WDR45: variants seen among roughly 807,000 people sequenced by gnomAD.
WDR45 encodes the protein WD repeat domain phosphoinositide-interacting protein 4.
In WDR45, 2 loss-of-function variants were observed where a neutral mutation model predicts 27.3. The observed-to-expected ratio is 0.07, with a 90% CI of 0.03 to 0.23. WDR45 has a LOEUF of 0.23. Among genes scored for constraint, WDR45 ranks in the 10% least tolerant of loss-of-function variants. The probability of loss-of-function intolerance (pLI) is 1.00; values close to 1 mark genes in which losing one functional copy is unlikely to be tolerated. For missense variants in WDR45, 175 were observed against 311.9 expected (o/e 0.56, Z 3.31); for synonymous variants, 99 against 119.2 (o/e 0.83, Z 1.11).
chrX:49,083,861 C>G (rs2147822136), upstream of WDR45, among the ~76,000 whole-genome samples: 1 of 99,767 alleles, frequency 1.0e-5, no homozygotes. Flanking sequence ...GCGGGAGAAT[C>G]GCTTGAACCC....
chrX:49,082,344 T>C (rs186730562), upstream of WDR45, among the ~76,000 whole-genome samples: 240 of 111,781 alleles, frequency 2.1e-3, 1 homozygote, highest in Admixed American at 7.6e-3. Flanking sequence ...CATGATATTA[T>C]GTAGCATTGT....
intron 1 of WDR45, among the ~76,000 whole-genome samples, chrX:49,079,377 C>A (rs1050417867): frequency 9.2e-6 from 1 of 108,671 alleles, no homozygotes; most frequent in Non-Finnish European, 1.9e-5. Flanking sequence ...AAGATGCCTG[C>A]GCAGTCCCCT....
rs1204267334 is a variant in WDR45, at chrX:49,095,759, CTTTTTTTTTT to C, written c.-18+4436_-18+4445del. On this transcript the variant is annotated intron_variant, in intron 2 of 11. Transcript: ENST00000356463. ...ACAGGTGTGAGCCACCGTGCCCGGC[CTTTTTTTTTT>C]TTTTTTTTTTTTTTGAGGCGGCATC... Among the ~76,000 whole-genome samples the C allele has an allele frequency of 4.6e-4, 12 of 26,152 alleles. No homozygotes were observed. The East Asian group carries it at 0.018, about 38-fold the overall frequency. The allele number at this position is 26,152 out of a possible 115,157, so 22.7% of individuals were successfully genotyped here. A position where few individuals can be genotyped will look rare whatever the true frequency, so the allele number is the denominator to read the frequency against.
chrX:49,091,954 C>A (rs1393420119), intron 2 of WDR45, among the ~76,000 whole-genome samples: 3 of 103,138 alleles, frequency 2.9e-5, no homozygotes, highest in Non-Finnish European at 5.9e-5. Context: ...CACGGTGAAA[C>A]CCCGTCTCTA....
chrX:49,081,618 G>A (rs1277001472), upstream of WDR45, among the ~76,000 whole-genome samples: 4 of 108,312 alleles, frequency 3.7e-5, no homozygotes, highest in African/African-American at 1.3e-4. Context: ...CTTAAACCTA[G>A]GAGGCGGAGG....
In WDR45 at chrX:49,076,160, C is replaced by T. The variant is rs895330860; in HGVS notation, c.437-215G>A. The T allele has an allele frequency of 1.9e-5, 9 of 465,812 alleles. No homozygotes were observed. In the South Asian group the frequency reaches 2.0e-4, roughly 10 times the overall value. The allele number at this position is 465,812 out of a possible 1,213,427, so 38.4% of individuals were successfully genotyped here. ...AATCTAGTAAGCTGCTATCACAGCC[C>T]CAGAAGCTCAGGGATCCCTGACACA... On this transcript the variant is annotated intron_variant, in intron 6 of 10. Coordinates refer to ENST00000376372, the MANE Select transcript of WDR45 (RefSeq NM_001029896.2).
Position 49,077,668 on chromosome X carries a change from A to G in WDR45, c.210T>C (p.Ser70=), listed in dbSNP as rs2065045503. 1.7e-6 allele frequency: 2 copies of G among 1,201,042 alleles called. No individual in the cohort carries two copies. Among genetic ancestry groups the G allele is most frequent in the East Asian group, 6.0e-5 (2 of 33,210 alleles). ...CTGAGATCTCTGAGAACTTGGGACT[A>G]CTACCACCGCCCACCAAGGCCAGAA... The part of the protein sequence containing the change: ...SNLLALVGGG[S]SPKFSEISVL... Residue 70 remains serine, a synonymous_variant, in exon 4 of 11, where the codon AGT becomes AGC. Coordinates refer to ENST00000376372, the MANE Select transcript of WDR45 (RefSeq NM_001029896.2).
At chrX:49,099,086 G>A (rs1023720436) in intron 2 of WDR45, among the ~76,000 whole-genome samples, 12 of 111,978 alleles carry the variant, frequency 1.1e-4, no homozygotes, top group African/African-American at 3.9e-4. Flanking sequence ...CACTTTGGGA[G>A]GCCCAGGTGG....
intron 4 of WDR45, chrX:49,077,246 T>G: frequency 4.9e-6 from 1 of 205,869 alleles, no homozygotes; most frequent in Non-Finnish European, 8.9e-6. Flanking sequence ...GCTCCAAGAT[T>G]TTAAAACCTA....
chrX:49,089,619 A>T (rs2065097506), intron 2 of WDR45, among the ~76,000 whole-genome samples: 1 of 109,637 alleles, frequency 9.1e-6, no homozygotes, highest in East Asian at 2.9e-4. Flanking sequence ...ATATAGTGAG[A>T]CCCCATCTCT....
intron 1 of WDR45, 24 bp from the exon 2 acceptor site, chrX:49,078,136 G>A: frequency 8.5e-7 from 1 of 1,181,112 alleles, no homozygotes; most frequent in East Asian, 3.0e-5. Flanking sequence ...GGATAAAGAT[G>A]AGAAGAGTCC....
intron 2 of WDR45, among the ~76,000 whole-genome samples, chrX:49,091,477 C>T (rs1433232048): frequency 9.2e-5 from 9 of 97,771 alleles, no homozygotes; most frequent in South Asian, 5.0e-4. Context: ...TGGCCGGGCG[C>T]GGTGGCTCAC....
At chrX:49,084,387 G>A (rs1038222469), upstream of WDR45, among the ~76,000 whole-genome samples, 20 of 107,210 alleles carry the variant, frequency 1.9e-4, no homozygotes, top group African/African-American at 6.1e-4. Flanking sequence ...TCTGTTGGTC[G>A]CACTGTCAAA....
chrX:49,092,586 C>G (rs893684443), intron 2 of WDR45, among the ~76,000 whole-genome samples: 11 of 111,723 alleles, frequency 9.8e-5, no homozygotes, highest in African/African-American at 2.9e-4. Flanking sequence ...CACACCTTCC[C>G]AAACCTTAAT....
At chrX:49,085,637 G>A (rs1458745455) in intron 2 of WDR45, among the ~76,000 whole-genome samples, 1 of 112,974 alleles carries the variant, frequency 8.9e-6, no homozygotes, top group Admixed American at 9.4e-5. Context: ...CACTTTGGGA[G>A]GCGGAAGGTG....
rs1358079661 is a variant in WDR45, at chrX:49,099,788, AAAAAAC to A, written c.-18+411_-18+416del. Among the ~76,000 whole-genome samples the A allele has an allele frequency of 1.6e-4, 15 of 95,364 alleles. 1 individual carries two copies. Among genetic ancestry groups the A allele is most frequent in the African/African-American group, 5.3e-4 (14 of 26,353 alleles). The allele number at this position is 95,364 out of a possible 115,157, so 82.8% of individuals were successfully genotyped here. A position where few individuals can be genotyped will look rare whatever the true frequency, so the allele number is the denominator to read the frequency against. ...AGAGCGAGACTATGTCTCAAAAAAAAAAAAACAAAAAAAAACAAAAAAAAACACACA... is the reference window on the plus strand; with the variant it reads ...AGAGCGAGACTATGTCTCAAAAAAAAAAAAAAAAACAAAAAAAAACACACA... On this transcript the variant is annotated intron_variant, in intron 2 of 11. Transcript: ENST00000356463.
At chrX:49,088,090 C>T (rs1569523838) in intron 2 of WDR45, among the ~76,000 whole-genome samples, 1 of 111,573 alleles carries the variant, frequency 9.0e-6, no homozygotes, top group Non-Finnish European at 1.9e-5. Flanking sequence ...ATGCATAGGG[C>T]TGTGAGCATG....
chrX:49,075,173 G>A lies in WDR45; in HGVS notation c.936C>T (p.Phe312=), dbSNP rs199814778. ...TGACGTTCTTGGAAGTATTGCGACC[G>A]AAGGCGCAGATGCAAGCTGACTCAG... ...VPAESACICA[F]GRNTSKNVNS... Residue 312 remains phenylalanine, a synonymous_variant, in exon 10 of 11, where the codon TTC becomes TTT. Transcript: ENST00000376372. 2.4e-4 allele frequency: 292 copies of A among 1,211,129 alleles called. 1 individual carries two copies. The highest frequency in any genetic ancestry group is 1.8e-4 in the Non-Finnish European group (164 of 895,394).
intron 2 of WDR45, among the ~76,000 whole-genome samples, chrX:49,099,707 G>T (rs781901204): frequency 9.2e-6 from 1 of 109,231 alleles, no homozygotes; most frequent in African/African-American, 3.4e-5. Context: ...CGTGAACCCG[G>T]AAGGTGGAGC....
Sources: gnomAD v4.1 joint callset for allele counts (sites outside exome capture counted in the v4.1 genomes callset) on GRCh38, gnomAD v4.1.1 for gene constraint, MANE v1.5 for transcripts, NCBI Gene and HGNC (gene_info 2026-07-23, HGNC 2026-07-21) for gene names.